SGCZ: variants seen among roughly 807,000 people sequenced by gnomAD.
SGCZ encodes the protein sarcoglycan zeta.
In SGCZ, 40 loss-of-function variants were observed where a neutral mutation model predicts 41.3. The observed-to-expected ratio is 0.97, with a 90% CI of 0.75 to 1.26. The LOEUF is 1.26. Among genes scored for constraint, SGCZ ranks in the 50% most tolerant of loss-of-function variants. The pLI is 0.00. For synonymous variants in SGCZ, 206 were observed against 137.5 expected, an observed-to-expected ratio of 1.50 and a Z score of -3.49; for missense variants, 552 against 369.8, an observed-to-expected ratio of 1.49 and a Z score of -4.04.
rs113604067 is a variant in SGCZ at position 14,316,351 on chromosome 8, A to G, written c.336+7752T>C. 3.7e-3 allele frequency among the ~76,000 whole-genome samples: 556 copies of G among 152,182 alleles called. 6 individuals carry two copies. Among genetic ancestry groups the G allele is most frequent in the African/African-American group, 0.013 (533 of 41,544 alleles). On this transcript the variant is annotated intron_variant, in intron 3 of 7. Transcript: ENST00000382080. The stretch of plus-strand genomic sequence containing the variant: ...ATGAACAAGGAAAGTTCATCTCAAT[A>G]ATAAAAGAATACATCACCATTTGTA...
At chr8:14,853,504 T>C (rs112302475) in intron 1 of SGCZ, 6 of 532,436 alleles carry the variant, frequency 1.1e-5, no homozygotes, top group Admixed American at 3.9e-5. Context: ...CCTTCTGATC[T>C]GAGGAGCAGG....
intron 1 of SGCZ, among the ~76,000 whole-genome samples, chr8:14,664,761 A>G (rs187197662): frequency 3.9e-4 from 59 of 152,314 alleles, no homozygotes; most frequent in African/African-American, 1.4e-3. Flanking sequence ...CATTACTCTC[A>G]TAATTTGAAT....
chr8:14,826,504 G>A (rs1167452840), intron 1 of SGCZ, among the ~76,000 whole-genome samples: 3 of 152,042 alleles, frequency 2.0e-5, no homozygotes, highest in African/African-American at 4.8e-5. Flanking sequence ...CTGAGGAATC[G>A]CCACACTGAC....
rs968292470 is a variant in SGCZ, at chr8:15,174,002, G to A, written c.39+63583C>T. 2.0e-4 allele frequency among the ~76,000 whole-genome samples: 30 copies of A among 152,294 alleles called. No homozygotes were observed. The East Asian group carries it at 4.4e-3, about 23-fold the overall frequency. Reference sequence around the variant, plus strand: ...CTCCCAACGTACTGGGATTACAGGTGTGAGCCACTGCACCCGTTATACTTT... The same window carrying A: ...CTCCCAACGTACTGGGATTACAGGTATGAGCCACTGCACCCGTTATACTTT... On this transcript the variant is annotated intron_variant, in intron 1 of 7. Transcript: ENST00000382080.
intron 1 of SGCZ, among the ~76,000 whole-genome samples, chr8:14,561,441 G>A (rs1804204852): frequency 6.6e-6 from 1 of 152,016 alleles, no homozygotes; most frequent in Non-Finnish European, 1.5e-5. Context: ...ATGTTTCTCT[G>A]GCTTCATAAT....
intron 1 of SGCZ, among the ~76,000 whole-genome samples, chr8:14,754,382 G>T (rs986479574): frequency 5.9e-5 from 9 of 152,046 alleles, no homozygotes; most frequent in Non-Finnish European, 1.0e-4. Flanking sequence ...TTCCATAGTA[G>T]ATACTACACT....
rs912731193 is a variant in SGCZ, at chr8:14,933,600, TTTTC to T, written c.39+303981_39+303984del. Among the ~76,000 whole-genome samples the T allele has an allele frequency of 4.0e-5, 6 of 151,628 alleles. No individual in the cohort carries two copies. The South Asian group carries it at 1.0e-3, about 26-fold the overall frequency. On this transcript the variant is annotated intron_variant, in intron 1 of 7. Transcript: ENST00000382080. Reference sequence around the variant, plus strand: ...GCGCCTGCCACCACACTCGGCTAATTTTTCTTTCTTTCTTTCTTTTTTCTGTATT... The same window carrying T: ...GCGCCTGCCACCACACTCGGCTAATTTTTCTTTCTTTCTTTTTTCTGTATT...
chr8:14,445,151 G>T (rs778900638), intron 2 of SGCZ, among the ~76,000 whole-genome samples: 1 of 152,194 alleles, frequency 6.6e-6, no homozygotes, highest in African/African-American at 2.4e-5. Context: ...TATATTAATT[G>T]TGAGAGTGGC....
intron 1 of SGCZ, among the ~76,000 whole-genome samples, chr8:14,657,027 AT>A (rs753800625): frequency 1.3e-4 from 20 of 152,012 alleles, no homozygotes; most frequent in Admixed American, 3.9e-4. Context: ...CTTAAAAAAA[AT>A]ATGCAGTGGG....
At chr8:14,174,680 C>G (rs377599248) in intron 4 of SGCZ, among the ~76,000 whole-genome samples, 4 of 151,996 alleles carry the variant, frequency 2.6e-5, no homozygotes, top group African/African-American at 9.7e-5. Flanking sequence ...TAATACTGAC[C>G]TCTCAATATG....
chr8:14,655,195 G>A (rs1292072377), intron 1 of SGCZ, among the ~76,000 whole-genome samples: 1 of 152,026 alleles, frequency 6.6e-6, no homozygotes, highest in Non-Finnish European at 1.5e-5. Context: ...TGAACTGTAA[G>A]TTATTCTTAC....
intron 1 of SGCZ, among the ~76,000 whole-genome samples, chr8:15,036,847 A>G (rs1423279972): frequency 6.6e-6 from 1 of 152,172 alleles, no homozygotes; most frequent in Non-Finnish European, 1.5e-5. Flanking sequence ...TCCTCAACAA[A>G]CCACTAACAA....
intron 1 of SGCZ, among the ~76,000 whole-genome samples, chr8:14,854,691 G>A (rs530773984): frequency 8.0e-4 from 122 of 152,212 alleles, no homozygotes; most frequent in African/African-American, 2.8e-3. Flanking sequence ...TGGTCCTTCT[G>A]ATTTCTTTTT....
At chr8:14,484,901 G>A (rs928610590) in intron 2 of SGCZ, among the ~76,000 whole-genome samples, 2 of 151,964 alleles carry the variant, frequency 1.3e-5, no homozygotes, top group African/African-American at 2.4e-5. Flanking sequence ...ATGCTTTACA[G>A]CAAAATTATT....
chr8:15,012,325 T>C (rs1264172151), intron 1 of SGCZ, among the ~76,000 whole-genome samples: 1 of 151,270 alleles, frequency 6.6e-6, no homozygotes, highest in Admixed American at 6.6e-5. Flanking sequence ...TAGCATGATG[T>C]GGTGACATAT....
chr8:15,227,765 A>G (rs1195716043), intron 1 of SGCZ, among the ~76,000 whole-genome samples: 1 of 152,082 alleles, frequency 6.6e-6, no homozygotes, highest in African/African-American at 2.4e-5. Flanking sequence ...CTGAAGTACA[A>G]CTCCACAACT....
chr8:14,204,051 G>C (rs1055172404), intron 4 of SGCZ, among the ~76,000 whole-genome samples: 35 of 152,090 alleles, frequency 2.3e-4, no homozygotes, highest in Non-Finnish European at 1.9e-4. Context: ...GTGCATGTTG[G>C]AAATGCCAGG....
At chr8:15,053,394 C>G (rs898649840) in intron 1 of SGCZ, among the ~76,000 whole-genome samples, 4 of 152,018 alleles carry the variant, frequency 2.6e-5, no homozygotes, top group African/African-American at 9.7e-5. Context: ...TCTCCTCTTC[C>G]GTAGTTGATT....
intron 1 of SGCZ, among the ~76,000 whole-genome samples, chr8:14,962,246 A>T (rs992643524): frequency 6.6e-5 from 10 of 152,136 alleles, no homozygotes; most frequent in African/African-American, 2.4e-4. Context: ...CTTCTCATAT[A>T]GACAACAGTT....
Sources: allele counts gnomAD v4.1 joint callset (sites outside exome capture counted in the v4.1 genomes callset), GRCh38; gene constraint gnomAD v4.1.1; transcripts MANE v1.5; gene names NCBI Gene and HGNC (gene_info 2026-07-23, HGNC 2026-07-21).